The following SEC14L5 variants were observed in gnomAD, a reference collection of about 807,000 sequenced individuals.
SEC14L5 encodes the protein SEC14 like lipid binding 5.
Under a neutral mutation model 84.6 loss-of-function variants are expected in SEC14L5, and 96 were observed. The observed-to-expected ratio is 1.13, with a 90% CI of 0.96 to 1.34. The LOEUF is 1.34. SEC14L5 is among the 40% of genes most tolerant of loss of function. The pLI is 0.00. For synonymous variants in SEC14L5, 546 were observed against 383.4 expected (o/e 1.42, Z -4.95); for missense variants, 1,224 against 942.5 (o/e 1.30, Z -3.91).
chr16:4,997,578 C>CA (rs1955626039), intron 8 of SEC14L5, among the ~76,000 whole-genome samples: 2 of 152,272 alleles, frequency 1.3e-5, no homozygotes, highest in South Asian at 4.2e-4. Context: ...CACAATTACT[C>CA]ACAATAATTG....
rs986767059 is a variant in SEC14L5 at position 5,014,753 on chromosome 16, C to T, written c.1980-106C>T. On this transcript the variant is annotated intron_variant, in intron 15 of 15. Coordinates refer to ENST00000251170, the MANE Select transcript of SEC14L5 (RefSeq NM_014692.2). ...CTTTTCCCTTTGCATCGGCCTGGGG[C>T]CCTGGGGCCTGATTTGCAGCATCAA... The T allele has an allele frequency of 4.1e-5, 33 of 795,458 alleles. No individual in the cohort carries two copies. In the South Asian group the frequency reaches 4.5e-4, roughly 11 times the overall value. 49.3% of individuals were successfully genotyped at this position (795,458 alleles called of 1,614,324 possible). A position where few individuals can be genotyped will look rare whatever the true frequency, so the allele number is the denominator to read the frequency against.
At chr16:4,975,346 G>A (rs541502613) in intron 2 of SEC14L5, among the ~76,000 whole-genome samples, 13 of 151,730 alleles carry the variant, frequency 8.6e-5, no homozygotes, top group African/African-American at 2.2e-4. Context: ...GGTGGTGGGC[G>A]CCTGTAGTCC....
At chr16:4,990,096 ATG>A (rs1955536728) in intron 4 of SEC14L5, among the ~76,000 whole-genome samples, 1 of 151,474 alleles carries the variant, frequency 6.6e-6, no homozygotes, top group Non-Finnish European at 1.5e-5. Context: ...TCTAAATTTT[ATG>A]TGTAATATTG....
intron 11 of SEC14L5, among the ~76,000 whole-genome samples, chr16:5,004,770 T>TC (rs1456443141): frequency 6.6e-6 from 1 of 152,214 alleles, no homozygotes; most frequent in Non-Finnish European, 1.5e-5. Flanking sequence ...GCTCCTTCCT[T>TC]CTTTCTCTCT....
intron 13 of SEC14L5, 46 bp downstream of exon 13, chr16:5,007,532 T>A (rs752025995): frequency 1.3e-6 from 2 of 1,582,496 alleles, no homozygotes; most frequent in Non-Finnish European, 1.7e-6. Flanking sequence ...GGAGTGTCTG[T>A]CGTCTTAGGT....
chr16:4,978,625 T>C (rs979421879), intron 2 of SEC14L5, among the ~76,000 whole-genome samples: 2 of 148,708 alleles, frequency 1.3e-5, no homozygotes, highest in Non-Finnish European at 3.0e-5. Context: ...ATTTTTGAGA[T>C]GGAGTCTCGC....
chr16:5,001,449 CAG>C (rs1484958899), intron 10 of SEC14L5, among the ~76,000 whole-genome samples: 1 of 151,976 alleles, frequency 6.6e-6, no homozygotes, highest in African/African-American at 2.4e-5. Flanking sequence ...TTAGTAGAGA[CAG>C]GGTTTCACTG....
chr16:4,966,234 G>A (rs1389675614), intron 2 of SEC14L5, among the ~76,000 whole-genome samples: 2 of 150,036 alleles, frequency 1.3e-5, no homozygotes, highest in South Asian at 2.1e-4. Flanking sequence ...CCAAAGTGCT[G>A]GGATTACAGG....
At chr16:4,970,653 G>A (rs1325353889) in intron 2 of SEC14L5, among the ~76,000 whole-genome samples, 5 of 152,222 alleles carry the variant, frequency 3.3e-5, no homozygotes, top group Admixed American at 2.0e-4. Flanking sequence ...CTCCTGACAC[G>A]TGAGTGAGAC....
At chr16:4,997,248 G>A (rs565407684) in intron 8 of SEC14L5, among the ~76,000 whole-genome samples, 1 of 152,110 alleles carries the variant, frequency 6.6e-6, no homozygotes, top group Non-Finnish European at 1.5e-5. Context: ...ACAGGCACCC[G>A]CCACCACAGC....
intron 2 of SEC14L5, among the ~76,000 whole-genome samples, chr16:4,975,702 T>A (rs1318635746): frequency 6.6e-6 from 1 of 152,094 alleles, no homozygotes; most frequent in East Asian, 1.9e-4. Context: ...TTCAATTTTT[T>A]AAAAAAGAGT....
At chr16:4,994,705 G>A (rs1234291324) in intron 6 of SEC14L5, among the ~76,000 whole-genome samples, 1 of 149,646 alleles carries the variant, frequency 6.7e-6, no homozygotes, top group Non-Finnish European at 1.5e-5. Context: ...TTATAACAGC[G>A]CCCGCTCCTG....
rs765138326 is a variant in SEC14L5, at chr16:5,008,633, G to C, written c.1785G>C (p.Glu595Asp). ...TGGAGGCTCCCCTTGTCTGCCGGGA[G>C]GGGGAGAGCATCCAGGTTTGCATTT... ...SRVEAPLVCR[E>D]GESIQGSHVT... The change falls in exon 14 of 16, where the codon GAG (glutamate) becomes GAC (aspartate). Residue 595 changes from glutamate (E) to aspartate (D), a missense_variant. Transcript: ENST00000251170. 1.6e-5 allele frequency: 26 copies of C among 1,606,856 alleles called. No homozygotes were observed. Among genetic ancestry groups the C allele is most frequent in the South Asian group, 5.6e-5 (5 of 89,948 alleles).
intron 6 of SEC14L5, among the ~76,000 whole-genome samples, chr16:4,992,739 T>C (rs1391543935): frequency 6.6e-6 from 1 of 152,178 alleles, no homozygotes; most frequent in African/African-American, 2.4e-5. Flanking sequence ...GTAAGGAAGA[T>C]GTAAGAAGTA....
At chr16:4,972,001 G>A (rs1955285976) in intron 2 of SEC14L5, among the ~76,000 whole-genome samples, 1 of 151,968 alleles carries the variant, frequency 6.6e-6, no homozygotes, top group Non-Finnish European at 1.5e-5. Context: ...TGATAGGGCT[G>A]TAGACCATCT....
chr16:5,001,580 G>C (rs1480624635), intron 10 of SEC14L5, among the ~76,000 whole-genome samples: 1 of 151,978 alleles, frequency 6.6e-6, no homozygotes, highest in Non-Finnish European at 1.5e-5. Flanking sequence ...TTTGAGATCA[G>C]CTCTCCACCA....
chr16:4,962,709 C>T (rs1439966920), intron 2 of SEC14L5, among the ~76,000 whole-genome samples: 1 of 106,138 alleles, frequency 9.4e-6, no homozygotes, highest in Middle Eastern at 4.6e-3. Context: ...AAAAAAAAAA[C>T]TTCCTTATCT....
In SEC14L5 at chr16:5,017,029, A is replaced by G. The variant is rs965243394; in HGVS notation, c.*2059A>G. ...AATATTTTCAACTATCTTTAAGTGA[A>G]TTTCTAGCTTTTCTCTTAAAAACTA... is the stretch of plus-strand genomic sequence containing the variant. On this transcript the variant is annotated 3_prime_UTR_variant, in exon 16 of 16. Transcript: ENST00000251170. 8 of 152,238 alleles carry G rather than the reference A, an allele frequency of 5.3e-5. No individual in the cohort carries two copies. The highest frequency in any genetic ancestry group is 1.2e-4 in the Non-Finnish European group (8 of 68,040). 9.4% of individuals were successfully genotyped at this position (152,238 alleles called of 1,614,324 possible).
rs1955883075 is a variant in SEC14L5 at position 5,017,092 on chromosome 16, G to A, written c.*2122G>A. The A allele has an allele frequency of 1.3e-5, 2 of 150,452 alleles. No homozygotes were observed. Among genetic ancestry groups the A allele is most frequent in the Non-Finnish European group, 3.0e-5 (2 of 67,762 alleles). 9.3% of individuals were successfully genotyped at this position (150,452 alleles called of 1,614,324 possible). On this transcript the variant is annotated 3_prime_UTR_variant, in exon 16 of 16. Transcript: ENST00000251170. Reference sequence around the variant, plus strand: ...CAAGTATGCTGGGATAAGCTGCCCTGGCAGTCTTTATACATTTATTGTCTA... The same window carrying A: ...CAAGTATGCTGGGATAAGCTGCCCTAGCAGTCTTTATACATTTATTGTCTA...
Sources: gnomAD v4.1 joint callset for allele counts (sites outside exome capture counted in the v4.1 genomes callset) on GRCh38, gnomAD v4.1.1 for gene constraint, MANE v1.5 for transcripts, NCBI Gene and HGNC (gene_info 2026-07-23, HGNC 2026-07-21) for gene names.